HMCN2: variants seen among roughly 807,000 people sequenced by gnomAD.
The protein encoded by HMCN2 is hemicentin 2.
Under a neutral mutation model 377.5 loss-of-function variants are expected in HMCN2, and 325 were observed. The ratio of observed to expected loss-of-function variants is 0.86; its 90% CI spans 0.79 to 0.94. The LOEUF (loss-of-function observed/expected upper bound fraction) is 0.94. Ranked by LOEUF, HMCN2 falls within the 40% of genes least tolerant of loss-of-function variation. HMCN2 has a pLI of 0.00. For missense variants in HMCN2, 4,543 were observed against 4,725.3 expected, an observed-to-expected ratio of 0.96 and a Z score of 1.13; for synonymous variants, 2,007 against 2,046.8, an observed-to-expected ratio of 0.98 and a Z score of 0.53.
chr9:130,387,036 G>A (rs1842059426), intron 61 of HMCN2, among the ~76,000 whole-genome samples: 1 of 152,242 alleles, frequency 6.6e-6, no homozygotes, highest in African/African-American at 2.4e-5. Context: ...GGCCTGGCAT[G>A]TGGGCACTAA....
Position 130,388,405 on chromosome 9 carries a change from G to T in HMCN2, c.9392-4G>T, listed in dbSNP as rs761731579. 1.0e-6 allele frequency: 1 copy of T among 987,892 alleles called. No individual in the cohort carries two copies. The highest frequency in any genetic ancestry group is 1.2e-6 in the Non-Finnish European group (1 of 830,108). 61.2% of individuals were successfully genotyped at this position (987,892 alleles called of 1,614,324 possible). On this transcript the variant is annotated splice_polypyrimidine_tract_variant and splice_region_variant and intron_variant, in intron 61 of 97. Transcript: ENST00000683500. ...ATTCTGACAGTCTGGCTTTCTTCCTGCAGTGCCCCCAACATTTGAGAACCC... is the reference window on the plus strand; with the variant it reads ...ATTCTGACAGTCTGGCTTTCTTCCTTCAGTGCCCCCAACATTTGAGAACCC...
intron 62 of HMCN2, 119 bp from the exon 63 acceptor site, chr9:130,390,858 C>G (rs2131671868): frequency 1.6e-6 from 1 of 618,854 alleles, no homozygotes; most frequent in Non-Finnish European, 2.0e-6. Context: ...TTCTAAGGAA[C>G]AGAGACTGGG....
chr9:130,425,781 G>A lies in HMCN2; in HGVS notation c.13736G>A (p.Arg4579His), dbSNP rs926380414. 3.9e-6 allele frequency: 6 copies of A among 1,550,366 alleles called. No homozygotes were observed. In the African/African-American group the frequency reaches 5.5e-5, roughly 14 times the overall value. The change falls in exon 90 of 98, where the codon CGC (arginine) becomes CAC (histidine). Residue 4579 changes from arginine to histidine, a missense_variant. Coordinates refer to ENST00000683500, the MANE Select transcript of HMCN2 (RefSeq NM_001291815.2). ...FFQGGLPSFL[R>H]CNHSIQYNAA... ...CAGGGCGGCCTCCCCTCGTTCCTAC[G>A]CTGCAACCACAGCATCCAGTACAAC... is the stretch of plus-strand genomic sequence containing the variant.
In HMCN2 at chr9:130,294,898, A is replaced by C; in HGVS notation, c.656A>C (p.His219Pro). The change falls in exon 5 of 98, where the codon CAC becomes CCC. Residue 219 changes from histidine (H) to proline (P), a missense_variant. Physicochemically the swap from His to Pro is moderately conservative, Grantham distance 77 (BLOSUM62 -2). This residue lies in a region of HMCN2 where 547 missense variants were observed against 189.9 expected (regional missense o/e 2.88). Coordinates refer to ENST00000683500, the MANE Select transcript of HMCN2 (RefSeq NM_001291815.2). The stretch of plus-strand genomic sequence containing the variant: ...TCAGCGATCCAGGCCTCCAAGGTGC[A>C]CCTGCTGTCCACAGACCACGAGGAG... Reference protein sequence around the residue: ...VESAIQASKVHLLSTDHEEEG... With the variant: ...VESAIQASKVPLLSTDHEEEG... 2.1e-6 allele frequency: 1 copy of C among 469,312 alleles called. No homozygotes were observed. Among genetic ancestry groups the C allele is most frequent in the Non-Finnish European group, 4.4e-6 (1 of 226,158 alleles). 29.1% of individuals were successfully genotyped at this position (469,312 alleles called of 1,614,324 possible).
chr9:130,289,223 G>A (rs1835599292), intron 4 of HMCN2, among the ~76,000 whole-genome samples: 1 of 152,212 alleles, frequency 6.6e-6, no homozygotes, highest in Non-Finnish European at 1.5e-5. Flanking sequence ...GGCTGGTTCT[G>A]GGGGCTGGGA....
rs568970727 is a variant in HMCN2, at chr9:130,348,752, C to T, written c.4155+77C>T. On this transcript the variant is annotated intron_variant, in intron 27 of 97. Transcript: ENST00000683500. ...CAGGTCTTCTGGATGGGCATTTCTGCGTGTGCCAAGGTGGGGCAGGGAGAT... is the reference window on the plus strand; with the variant it reads ...CAGGTCTTCTGGATGGGCATTTCTGTGTGTGCCAAGGTGGGGCAGGGAGAT... 4.0e-4 allele frequency: 509 copies of T among 1,280,856 alleles called. 4 individuals carry two copies. The South Asian group carries it at 6.0e-3, about 15-fold the overall frequency. 79.3% of individuals were successfully genotyped at this position (1,280,856 alleles called of 1,614,324 possible).
At chr9:130,307,765 T>C (rs1382688588) in intron 14 of HMCN2, among the ~76,000 whole-genome samples, 199 bp downstream of exon 14, 2 of 151,748 alleles carry the variant, frequency 1.3e-5, no homozygotes, top group African/African-American at 4.8e-5. Flanking sequence ...ACACAGCTCA[T>C]GTAGGTATTC....
At chr9:130,353,657 C>G (rs1416676679) in intron 31 of HMCN2, among the ~76,000 whole-genome samples, 1 of 152,222 alleles carries the variant, frequency 6.6e-6, no homozygotes. Flanking sequence ...CAGTGAAGCT[C>G]TGGAGCAGAG....
intron 15 of HMCN2, among the ~76,000 whole-genome samples, chr9:130,313,774 CT>C (rs1215426849): frequency 0.25 from 20,642 of 81,452 alleles, 1,052 homozygotes; most frequent in South Asian, 0.32. Flanking sequence ...TGTGTGTCCT[CT>C]TTTTTTTTTT....
chr9:130,312,539 C>CCTTTCTTTCTTTCTTT lies in HMCN2; in HGVS notation c.2350+2541_2350+2556dup, dbSNP rs1187968109. ...TCCCTCCCTCCCTCCCTCCCTCCCT[C>CCTTTCTTTCTTTCTTT]CTTTCTTTCTTTCTTTCTTTCTTTC... On this transcript the variant is annotated intron_variant, in intron 15 of 97. Coordinates refer to ENST00000683500, the MANE Select transcript of HMCN2 (RefSeq NM_001291815.2). Among the ~76,000 whole-genome samples, 14 of 6,634 alleles carry CCTTTCTTTCTTTCTTT rather than the reference C, an allele frequency of 2.1e-3. 1 individual carries two copies. The highest frequency in any genetic ancestry group is 3.1e-3 in the African/African-American group (8 of 2,596). The allele number at this position is 6,634 out of a possible 152,430, so 4.4% of individuals were successfully genotyped here. A position where few individuals can be genotyped will look rare whatever the true frequency, so the allele number is the denominator to read the frequency against.
At chr9:130,396,858 C>A (rs1029779975) in intron 73 of HMCN2, among the ~76,000 whole-genome samples, 1 of 152,208 alleles carries the variant, frequency 6.6e-6, no homozygotes, top group Middle Eastern at 3.2e-3. Flanking sequence ...GATCTAGGGG[C>A]TGCTCTCAGG....
Position 130,433,685 on chromosome 9 carries a change from C to T in HMCN2, c.15232C>T (p.Pro5078Ser). ...CTTGCTCATCGCCGTGTCCCCCTAC[C>T]CCTACTAAACGGGAGAGGGCATTGG... is the stretch of plus-strand genomic sequence containing the variant. The part of the protein sequence containing the change: ...FVLLIAVSPY[P>S]Y The change falls in exon 98 of 98, where the codon CCC (proline) becomes TCC (serine). Residue 5078 changes from proline (P) to serine (S), a missense_variant. Physicochemically the swap from Pro to Ser is moderately conservative, Grantham distance 74. This residue lies in a region of HMCN2 where 1,155 missense variants were observed against 1,157.7 expected (regional missense o/e 1.00). Transcript: ENST00000683500. 3 of 1,483,262 alleles carry T rather than the reference C, an allele frequency of 2.0e-6. No homozygotes were observed. The highest frequency in any genetic ancestry group is 2.8e-5 in the East Asian group (1 of 35,698). The allele number at this position is 1,483,262 out of a possible 1,614,324, so 91.9% of individuals were successfully genotyped here.
At position 130,358,445 on chromosome 9, in the gene HMCN2, T is replaced by C; in HGVS notation, c.5636T>C (p.Leu1879Pro). The change falls in exon 36 of 98, where the codon CTG becomes CCG. Residue 1879 changes from leucine (L) to proline (P), a missense_variant. Transcript: ENST00000683500. ...ATCTACACTTGTGCTGCTACCAACC[T>C]GGCTGGGGAGAGCAAGAGGGAAGTG... Reference protein sequence around the residue: ...EGIYTCAATNLAGESKREVAL... With the variant: ...EGIYTCAATNPAGESKREVAL... 7.7e-7 allele frequency: 1 copy of C among 1,304,326 alleles called. No individual in the cohort carries two copies. The highest frequency in any genetic ancestry group is 1.2e-5 in the South Asian group (1 of 81,030). 80.8% of individuals were successfully genotyped at this position (1,304,326 alleles called of 1,614,324 possible).
intron 4 of HMCN2, among the ~76,000 whole-genome samples, chr9:130,292,018 CT>C (rs35195661): frequency 2.5e-3 from 361 of 142,540 alleles, no homozygotes; most frequent in African/African-American, 3.7e-3. Context: ...GTGGCATTCA[CT>C]TTTTTTTTTT....
At position 130,423,368 on chromosome 9, in the gene HMCN2, C is replaced by T. The variant is rs779223211; in HGVS notation, c.13381+642C>T. Among the ~76,000 whole-genome samples the T allele has an allele frequency of 1.3e-5, 2 of 152,236 alleles. No homozygotes were observed. Among genetic ancestry groups the T allele is most frequent in the South Asian group, 4.1e-4 (2 of 4,828 alleles). The stretch of plus-strand genomic sequence containing the variant: ...GGAGTCTTCACTGAAAGTAGCTCCT[C>T]TGAAGCTGCCCTTGGCCATGGTCCC... On this transcript the variant is annotated intron_variant, in intron 87 of 97. Transcript: ENST00000683500. The surrounding 1 kb of genome is among the most constrained non-coding windows in gnomAD (Gnocchi z 5.5).
At chr9:130,279,222 A>C (rs782273139) in intron 1 of HMCN2, among the ~76,000 whole-genome samples, 13 of 152,080 alleles carry the variant, frequency 8.5e-5, no homozygotes, top group Non-Finnish European at 1.8e-4. Context: ...GGGTCACTGC[A>C]TGCGTGATGT....
Position 130,404,961 on chromosome 9 carries a change from C to G in HMCN2, c.12241C>G (p.Pro4081Ala). 2.3e-6 allele frequency: 3 copies of G among 1,289,280 alleles called. No individual in the cohort carries two copies. The highest frequency in any genetic ancestry group is 3.0e-6 in the Non-Finnish European group (3 of 988,618). The allele number at this position is 1,289,280 out of a possible 1,614,324, so 79.9% of individuals were successfully genotyped here. The change falls in exon 81 of 98, where the codon CCC becomes GCC. Residue 4081 changes from proline to alanine, a missense_variant. This residue lies in a region of HMCN2 where 1,073 missense variants were observed against 1,319.5 expected (regional missense o/e 0.81). Transcript: ENST00000683500. ...LPCKARGSPE[P>A]NITWDKDGQP... The stretch of plus-strand genomic sequence containing the variant: ...TTGCAAGGCGAGGGGCAGTCCTGAG[C>G]CCAACATCACCTGGGACAAAGATGG...
intron 7 of HMCN2, among the ~76,000 whole-genome samples, chr9:130,297,798 C>T (rs141351787): frequency 6.6e-6 from 1 of 152,304 alleles, no homozygotes; most frequent in East Asian, 1.9e-4. Context: ...AGGGAAGAAG[C>T]AGGGAAACTT....
rs1220801090 is a variant in HMCN2, at chr9:130,430,131, G to A, written c.14327-153G>A. On this transcript the variant is annotated intron_variant, in intron 94 of 97. Coordinates refer to ENST00000683500, the MANE Select transcript of HMCN2 (RefSeq NM_001291815.2). ...TCGGAGAGGAGGCTGGAGTTGGTCC[G>A]GGAGAGGGGGATGCAGCGTGGCTCA... 4.1e-5 allele frequency: 28 copies of A among 677,558 alleles called. No individual in the cohort carries two copies. The Admixed American group carries it at 6.7e-4, about 16-fold the overall frequency. 42.0% of individuals were successfully genotyped at this position (677,558 alleles called of 1,614,324 possible). A position where few individuals can be genotyped will look rare whatever the true frequency, so the allele number is the denominator to read the frequency against.
Sources: gnomAD v4.1 joint callset for allele counts (sites outside exome capture counted in the v4.1 genomes callset) on GRCh38, gnomAD v4.1.1 for gene constraint, gnomAD v4.1.1 regional missense constraint, Gnocchi (gnomAD v3.1) non-coding constraint, MANE v1.5 for transcripts, NCBI Gene and HGNC (gene_info 2026-07-23, HGNC 2026-07-21) for gene names.